The following TENM4 variants were observed in gnomAD, a reference collection of about 807,000 sequenced individuals.
TENM4 encodes the protein teneurin-4.
TENM4 carries 82 observed loss-of-function variants against 243.3 expected under a neutral mutation model. The ratio of observed to expected loss-of-function variants is 0.34; its 90% confidence interval spans 0.28 to 0.40. The LOEUF (loss-of-function observed/expected upper bound fraction) is 0.40, where lower values mean the gene tolerates loss of function less well. Among genes scored for constraint, TENM4 ranks in the 10% least tolerant of loss-of-function variants. The pLI, the probability that TENM4 is intolerant of heterozygous loss-of-function variation, is 1.00. For synonymous variants in TENM4, 1,412 were observed against 1,456.3 expected (o/e 0.97, Z 0.69); for missense variants, 3,138 against 3,673.3 (o/e 0.85, Z 3.77).
intron 12 of TENM4, among the ~76,000 whole-genome samples, chr11:78,842,129 G>T (rs1456738242): frequency 1.3e-5 from 2 of 152,124 alleles, no homozygotes; most frequent in African/African-American, 2.4e-5. Context: ...TTACCCATCT[G>T]CCTATTAGTA....
At chr11:78,923,843 C>T (rs1426664430) in intron 6 of TENM4, among the ~76,000 whole-genome samples, 2 of 142,780 alleles carry the variant, frequency 1.4e-5, no homozygotes, top group Non-Finnish European at 1.5e-5. Context: ...CCTCGCTATT[C>T]TTTTTTTTTT....
At chr11:78,858,721 A>G (rs1858740695) in intron 10 of TENM4, among the ~76,000 whole-genome samples, 1 of 152,212 alleles carries the variant, frequency 6.6e-6, no homozygotes, top group African/African-American at 2.4e-5. Flanking sequence ...TGGTGGAATC[A>G]TAAGGGAGAG....
chr11:79,121,099 T>C (rs1413999985), intron 4 of TENM4, among the ~76,000 whole-genome samples: 3 of 152,154 alleles, frequency 2.0e-5, no homozygotes, highest in Non-Finnish European at 4.4e-5. Context: ...GACAGAGACT[T>C]AGAGAGGCCA....
Position 79,407,903 on chromosome 11 carries a change from CTTTTT to C in TENM4, c.-321+32601_-321+32605del, listed in dbSNP as rs201000701. The stretch of plus-strand genomic sequence containing the variant: ...CTGAAGATTTGCATTTTTTCTTTTT[CTTTTT>C]CTTTTTTTTTTTTTTAAGAGAGTCT... On this transcript the variant is annotated intron_variant, in intron 1 of 33. Transcript: ENST00000278550. 6.2e-3 allele frequency among the ~76,000 whole-genome samples: 926 copies of C among 150,408 alleles called. 13 individuals carry two copies. Among genetic ancestry groups the C allele is most frequent in the African/African-American group, 0.02 (821 of 41,128 alleles).
At chr11:79,207,024 C>T (rs890715305) in intron 3 of TENM4, among the ~76,000 whole-genome samples, 2 of 152,158 alleles carry the variant, frequency 1.3e-5, no homozygotes, top group Admixed American at 1.3e-4. Flanking sequence ...GTCAGGACAT[C>T]TAGAAATGCC....
chr11:78,841,657 T>TC (rs1181415703), intron 12 of TENM4, among the ~76,000 whole-genome samples: 1 of 151,946 alleles, frequency 6.6e-6, no homozygotes, highest in Non-Finnish European at 1.5e-5. Context: ...CCTCCAGTCT[T>TC]CCCCCCTGGC....
chr11:78,786,977 C>T lies in TENM4; in HGVS notation c.2286G>A (p.Pro762=), dbSNP rs11237621. The T allele has an allele frequency of 0.14, 216,458 of 1,588,166 alleles. 16,626 individuals carry two copies. Among genetic ancestry groups the T allele is most frequent in the East Asian group, 0.4 (17,360 of 43,242 alleles). The stretch of plus-strand genomic sequence containing the variant: ...GGCAGGTCCCATGCTCGGCACAGCG[C>T]GGGTGGCAGGCCCGCTGGTCGCAGG... The part of the protein sequence containing the change: ...GAACDQRACH[P]RCAEHGTCRD... The change falls in exon 16 of 34, where the codon CCG becomes CCA. Residue 762 remains proline (P), a synonymous_variant. Transcript: ENST00000278550.
chr11:79,395,571 C>T (rs4433593), intron 1 of TENM4, among the ~76,000 whole-genome samples: 13,125 of 152,260 alleles, frequency 0.086, 607 homozygotes, highest in Non-Finnish European at 0.11. Context: ...CAAATTCGCC[C>T]AAGTTCCAAA....
chr11:78,908,239 G>A (rs918635636), intron 6 of TENM4, among the ~76,000 whole-genome samples: 1 of 152,160 alleles, frequency 6.6e-6, no homozygotes, highest in Non-Finnish European at 1.5e-5. Flanking sequence ...GAAGCTGTGT[G>A]ACTGTCATCA....
At chr11:79,068,727 C>T (rs1383346007) in intron 5 of TENM4, among the ~76,000 whole-genome samples, 1 of 152,170 alleles carries the variant, frequency 6.6e-6, no homozygotes, top group African/African-American at 2.4e-5. Flanking sequence ...GGGCTCAAGC[C>T]TCTGCAGGCA....
chr11:78,807,163 T>C (rs575743193), intron 14 of TENM4, among the ~76,000 whole-genome samples: 58 of 152,364 alleles, frequency 3.8e-4, no homozygotes, highest in African/African-American at 1.1e-3. Context: ...AACACAGATA[T>C]ACAAATATCT....
chr11:78,751,133 G>A (rs113871578), intron 19 of TENM4, among the ~76,000 whole-genome samples: 3,658 of 152,136 alleles, frequency 0.024, 99 homozygotes, highest in African/African-American at 0.067. Flanking sequence ...CATCTGCCTC[G>A]GCCTCCCAAA....
At chr11:79,239,544 C>G (rs146224345) in intron 2 of TENM4, among the ~76,000 whole-genome samples, 4 of 152,142 alleles carry the variant, frequency 2.6e-5, no homozygotes, top group Non-Finnish European at 2.9e-5. Context: ...AGGGCCCATG[C>G]TCTGTCCAGT....
chr11:79,376,956 T>A (rs1857904719), intron 1 of TENM4, among the ~76,000 whole-genome samples: 1 of 152,218 alleles, frequency 6.6e-6, no homozygotes. Flanking sequence ...GGTAAAAGGA[T>A]CTTTGCTGAT....
intron 3 of TENM4, among the ~76,000 whole-genome samples, chr11:79,179,628 T>G (rs776562602): frequency 6.7e-6 from 1 of 149,982 alleles, no homozygotes; most frequent in Non-Finnish European, 1.5e-5. Context: ...GGATTGAGAA[T>G]GAGTCATGGA....
chr11:79,429,638 G>C (rs11827071), intron 1 of TENM4, among the ~76,000 whole-genome samples: 1 of 152,070 alleles, frequency 6.6e-6, no homozygotes, highest in Non-Finnish European at 1.5e-5. Flanking sequence ...GCAAAGCAGA[G>C]AATTCAACCC....
intron 6 of TENM4, among the ~76,000 whole-genome samples, chr11:79,029,843 G>A (rs1859179002): frequency 6.6e-6 from 1 of 152,152 alleles, no homozygotes; most frequent in Non-Finnish European, 1.5e-5. Flanking sequence ...ATTCACTTCG[G>A]TAACAGCTTT....
At chr11:78,753,856 T>G (rs1349033337) in intron 19 of TENM4, among the ~76,000 whole-genome samples, 1 of 152,224 alleles carries the variant, frequency 6.6e-6, no homozygotes, top group Non-Finnish European at 1.5e-5. Context: ...AAAGTGTATA[T>G]AACCAACTGA....
rs79824397 is a variant in TENM4, at chr11:78,705,709, G to A, written c.4209+2652C>T. Among the ~76,000 whole-genome samples, 1,062 of 152,272 alleles carry A rather than the reference G, an allele frequency of 7.0e-3. 3 individuals are homozygous for A. Among genetic ancestry groups the A allele is most frequent in the Non-Finnish European group, 0.012 (793 of 68,024 alleles). On this transcript the variant is annotated intron_variant, in intron 27 of 33. Transcript: ENST00000278550. ...AAAATGGATTGTCAAATGAATGAAC[G>A]AAGGAAGGAAGGACCAGCAAATGGC...
Sources: gnomAD v4.1 joint callset for allele counts (sites outside exome capture counted in the v4.1 genomes callset) on GRCh38, gnomAD v4.1.1 for gene constraint, MANE v1.5 for transcripts, NCBI Gene and HGNC (gene_info 2026-07-23, HGNC 2026-07-21) for gene names.